MYH13: variants seen among roughly 807,000 people sequenced by gnomAD.
The protein encoded by MYH13 is myosin-13.
Under a neutral mutation model 232.1 loss-of-function variants are expected in MYH13, and 177 were observed. The ratio of observed to expected loss-of-function variants is 0.76; its 90% CI spans 0.67 to 0.86. The LOEUF (loss-of-function observed/expected upper bound fraction) is 0.86, where lower values mean the gene tolerates loss of function less well. MYH13 is among the 40% of genes least tolerant of loss of function. MYH13 has a pLI of 0.00. For missense variants in MYH13, 2,246 were observed against 2,405.9 expected, an observed-to-expected ratio of 0.93 and a Z score of 1.39; for synonymous variants, 884 against 923.5, an observed-to-expected ratio of 0.96 and a Z score of 0.78.
At chr17:10,320,863 A>G (rs1461587990) in intron 24 of MYH13, among the ~76,000 whole-genome samples, 1 of 152,140 alleles carries the variant, frequency 6.6e-6, no homozygotes, top group Non-Finnish European at 1.5e-5. Flanking sequence ...TGTGCTACAC[A>G]CCATCACGCC....
At chr17:10,352,236 T>C (rs1363289189) in intron 11 of MYH13, among the ~76,000 whole-genome samples, 1 of 152,064 alleles carries the variant, frequency 6.6e-6, no homozygotes, top group Admixed American at 6.5e-5. Context: ...ACTCCCATTA[T>C]GAAGTTACCA....
chr17:10,309,904 C>T, intron 33 of MYH13, 74 bp from the exon 34 acceptor site: 2 of 1,234,292 alleles, frequency 1.6e-6, no homozygotes, highest in Non-Finnish European at 2.2e-6. Flanking sequence ...CATCCCCATA[C>T]GATCAAATGG....
intron 24 of MYH13, 68 bp downstream of exon 24, chr17:10,321,464 T>C: frequency 6.8e-7 from 1 of 1,479,570 alleles, no homozygotes; most frequent in Non-Finnish European, 9.2e-7. Flanking sequence ...TGTGTCCTAG[T>C]TAGACTGTCT....
At chr17:10,368,778 C>T (rs565110993) in intron 2 of MYH13, among the ~76,000 whole-genome samples, 1 of 152,308 alleles carries the variant, frequency 6.6e-6, no homozygotes, top group South Asian at 2.1e-4. Flanking sequence ...AATGGCTGCC[C>T]TATTGCATAA....
At chr17:10,360,320 G>T in intron 5 of MYH13, 132 bp from the exon 6 acceptor site, 1 of 1,080,994 alleles carries the variant, frequency 9.3e-7, no homozygotes. Context: ...GGTATGATTT[G>T]GGCATGTCTA....
At chr17:10,315,839 A>G (rs770236781) in intron 28 of MYH13, 28 bp from the exon 29 acceptor site, 5 of 1,613,900 alleles carry the variant, frequency 3.1e-6, no homozygotes, top group Non-Finnish European at 3.4e-6. Context: ...CCCCCACGTC[A>G]GTGTTACTGA....
At chr17:10,314,501 C>T (rs533666218) in intron 29 of MYH13, among the ~76,000 whole-genome samples, 2 of 152,278 alleles carry the variant, frequency 1.3e-5, no homozygotes, top group Non-Finnish European at 2.9e-5. Context: ...AAGGACAGCC[C>T]GCTCCTGCAG....
At position 10,346,723 on chromosome 17, in the gene MYH13, T is replaced by C; in HGVS notation, c.1220A>G (p.Lys407Arg). The change falls in exon 13 of 41, where the codon AAG (lysine) becomes AGG (arginine). Residue 407 changes from lysine (K) to arginine (R), a missense_variant. By Grantham distance (26) the Lys-to-Arg change is conservative (BLOSUM62 2). Transcript: ENST00000252172. Reference protein sequence around the residue: ...MLKGLCCPRVKVGNEYVTKGQ... With the variant: ...MLKGLCCPRVRVGNEYVTKGQ... ...TTTAGTGACATATTCATTGCCAACC[T>C]TCACCCTTGGACAGCACAGGCCCTT... The C allele has an allele frequency of 1.2e-6, 2 of 1,613,932 alleles. No homozygotes were observed. Among genetic ancestry groups the C allele is most frequent in the Non-Finnish European group, 1.7e-6 (2 of 1,179,840 alleles).
chr17:10,313,024 TG>T, intron 30 of MYH13, 133 bp downstream of exon 30: 9 of 1,386,750 alleles, frequency 6.5e-6, no homozygotes, highest in Admixed American at 2.2e-5. Flanking sequence ...CCCCAGAGGG[TG>T]GGGGGTACAA....
At position 10,306,425 on chromosome 17, in the gene MYH13, A is replaced by T. The variant is rs1038006159; in HGVS notation, c.5466+34T>A. The T allele has an allele frequency of 6.2e-7, 1 of 1,613,542 alleles. No homozygotes were observed. Among genetic ancestry groups the T allele is most frequent in the Admixed American group, 1.7e-5 (1 of 59,996 alleles). On this transcript the variant is annotated intron_variant, in intron 37 of 40. Transcript: ENST00000252172. The surrounding 1 kb of genome is among the most constrained non-coding windows in gnomAD (Gnocchi z 4.3). ...GACTGTGGTTCTGTCCGAGGCTGTC[A>T]CTTTCAGAGTAACAGTCCTCTCAAA...
In MYH13 at chr17:10,354,753, T is replaced by C; in HGVS notation, c.932A>G (p.Asp311Gly). Residue 311 changes from aspartate (D) to glycine (G), a missense_variant, in exon 11 of 41, where the codon GAC becomes GGC. Physicochemically the swap from Asp to Gly is moderately conservative, Grantham distance 94 (BLOSUM62 -1). Transcript: ENST00000252172. ...CTCTCCTTGGCTCACGAAGGGGAAG[T>C]CGAAGGGGTTGGTGGAGATCAGAAG... The part of the protein sequence containing the change: ...DLLLISTNPF[D>G]FPFVSQGEVT... 2 of 1,613,950 alleles carry C rather than the reference T, an allele frequency of 1.2e-6. No individual in the cohort carries two copies. The highest frequency in any genetic ancestry group is 2.2e-5 in the East Asian group (1 of 44,882).
Position 10,303,472 on chromosome 17 carries a change from A to T in MYH13, c.5493T>A (p.Asp1831Glu). The T allele has an allele frequency of 6.2e-7, 1 of 1,613,896 alleles. No homozygotes were observed. Among genetic ancestry groups the T allele is most frequent in the Non-Finnish European group, 8.5e-7 (1 of 1,179,884 alleles). ...CTTCAGCTCCCCTCTTCTGTTCCAC[A>T]TCAAGCTCATTTTCCAGCTCCCGCA... The part of the protein sequence containing the change: ...NRVRELENEL[D>E]VEQKRGAEAL... The change falls in exon 38 of 41, where the codon GAT becomes GAA. Residue 1831 changes from aspartate to glutamate, a missense_variant. Asp to Glu is a conservative substitution (Grantham distance 45). Transcript: ENST00000252172.
intron 16 of MYH13, among the ~76,000 whole-genome samples, chr17:10,340,889 T>C (rs1249182959): frequency 1.3e-5 from 2 of 152,044 alleles, no homozygotes; most frequent in African/African-American, 4.8e-5. Flanking sequence ...GGGGTGTGGA[T>C]AGCATTTAAC....
At chr17:10,301,278 G>A (rs907407491) in intron 40 of MYH13, among the ~76,000 whole-genome samples, 5 of 152,106 alleles carry the variant, frequency 3.3e-5, no homozygotes, top group Non-Finnish European at 7.4e-5. Context: ...AGTAGCATTT[G>A]GGAGTGTGCA....
intron 7 of MYH13, 99 bp downstream of exon 7, chr17:10,359,861 G>A (rs28502666): frequency 0.011 from 12,227 of 1,085,862 alleles, 391 homozygotes; most frequent in East Asian, 0.11. Context: ...CCTATTTGCC[G>A]TTTCTACTGA....
rs1432268268 is a variant in MYH13, at chr17:10,327,880, A to G, written c.2677T>C (p.Leu893=). Residue 893 remains leucine (L), a synonymous_variant, in exon 22 of 41, where the codon TTG becomes CTG. Coordinates refer to ENST00000252172, the MANE Select transcript of MYH13 (RefSeq NM_003802.3). ...SLLQEKNDLQ[L]QVQSETENLM... ...AAGGTACTTACAGACTGGACCTGCA[A>G]TTGGAGGTCATTCTTCTCCTGCAGG... 6.2e-7 allele frequency: 1 copy of G among 1,612,862 alleles called. No individual in the cohort carries two copies. The highest frequency in any genetic ancestry group is 8.5e-7 in the Non-Finnish European group (1 of 1,179,622).
intron 35 of MYH13, 137 bp downstream of exon 35, chr17:10,309,097 A>T (rs781213178): frequency 6.3e-5 from 51 of 815,104 alleles, no homozygotes; most frequent in Non-Finnish European, 9.0e-5. Flanking sequence ...TGTCTTGACC[A>T]CTAGTCTGGG....
chr17:10,306,983 C>G lies in MYH13; in HGVS notation c.5251G>C (p.Glu1751Gln). ...GCCTTCTCCTCTGCGTTCCTGGACT[C>G]CTGGATCGAGTTCTCCACCTCTGCC... ...CQAEVENSIQ[E>Q]SRNAEEKAKK... Residue 1751 changes from glutamate to glutamine, a missense_variant, in exon 36 of 41, where the codon GAG becomes CAG. Physicochemically the swap from Glu to Gln is conservative, Grantham distance 29 (BLOSUM62 2). Coordinates refer to ENST00000252172, the MANE Select transcript of MYH13 (RefSeq NM_003802.3). The surrounding 1 kb of genome is among the most constrained non-coding windows in gnomAD (Gnocchi z 4.3). 1 of 1,614,048 alleles carries G rather than the reference C, an allele frequency of 6.2e-7. No individual in the cohort carries two copies. The highest frequency in any genetic ancestry group is 8.5e-7 in the Non-Finnish European group (1 of 1,179,930).
rs1906301721 is a variant in MYH13, at chr17:10,306,798, G to A, written c.5295+141C>T. 2 of 1,532,804 alleles carry A rather than the reference G, an allele frequency of 1.3e-6. No homozygotes were observed. The highest frequency in any genetic ancestry group is 8.8e-7 in the Non-Finnish European group (1 of 1,140,314). The allele number at this position is 1,532,804 out of a possible 1,614,324, so 95.0% of individuals were successfully genotyped here. On this transcript the variant is annotated intron_variant, in intron 36 of 40. Transcript: ENST00000252172. This position sits in a 1 kb window ranked among gnomAD's most constrained non-coding sequence, Gnocchi z 4.3. ...CTCCCACTTTGCCACTGCTGAGACT[G>A]TACCTCATTACATCTGTCTGGGAAG...
Sources: allele counts gnomAD v4.1 joint callset (sites outside exome capture counted in the v4.1 genomes callset), GRCh38; gene constraint gnomAD v4.1.1; non-coding constraint Gnocchi (gnomAD v3.1); transcripts MANE v1.5; gene names NCBI Gene and HGNC (gene_info 2026-07-23, HGNC 2026-07-21).